The following TNFAIP8 variants were observed in gnomAD, a reference collection of about 807,000 sequenced individuals.
TNFAIP8 encodes tumor necrosis factor alpha-induced protein 8.
A neutral mutation model predicts 13.3 loss-of-function variants in TNFAIP8; 7 were observed. The observed-to-expected ratio is 0.52, with a 90% CI of 0.30 to 0.99. The LOEUF (loss-of-function observed/expected upper bound fraction) is 0.99. Among genes scored for constraint, TNFAIP8 ranks in the 50% least tolerant of loss-of-function variants. TNFAIP8 has a pLI of 0.07. For missense variants in TNFAIP8, 258 were observed against 236.9 expected (o/e 1.09, Z -0.58); for synonymous variants, 94 against 87.6 (o/e 1.07, Z -0.41).
intron 1 of TNFAIP8, among the ~76,000 whole-genome samples, chr5:119,311,351 G>C (rs908744340): frequency 2.0e-5 from 3 of 151,244 alleles, no homozygotes; most frequent in Non-Finnish European, 2.9e-5. Flanking sequence ...GGAAACAAAA[G>C]GTTGAAATGG....
intron 1 of TNFAIP8, among the ~76,000 whole-genome samples, chr5:119,358,873 G>A (rs867021505): frequency 2.0e-5 from 3 of 152,130 alleles, no homozygotes; most frequent in Non-Finnish European, 4.4e-5. Context: ...AGGGGTGGGC[G>A]AGGTGTCACT....
At chr5:119,334,139 CAA>C (rs57346323) in intron 1 of TNFAIP8, among the ~76,000 whole-genome samples, 15 of 104,414 alleles carry the variant, frequency 1.4e-4, no homozygotes, top group Admixed American at 1.9e-4. Flanking sequence ...CTCTAACAAC[CAA>C]AAAAAAAAAA....
chr5:119,392,868 G>T lies in TNFAIP8; in HGVS notation c.84G>T (p.Lys28Asn). The change falls in exon 2 of 2, where the codon AAG becomes AAT. Residue 28 changes from lysine (K) to asparagine (N), a missense_variant. Lys to Asn is a moderately conservative substitution (Grantham distance 94, BLOSUM62 0). Coordinates refer to ENST00000504771, the MANE Select transcript of TNFAIP8 (RefSeq NM_014350.4). ...SKNLAVQAQK[K>N]ILGKMVSKSI... The stretch of plus-strand genomic sequence containing the variant: ...ACCTGGCCGTTCAGGCACAAAAGAA[G>T]ATCTTGGGTAAAATGGTGTCCAAAT... The T allele has an allele frequency of 1.3e-6, 2 of 1,567,998 alleles. No individual in the cohort carries two copies. Among genetic ancestry groups the T allele is most frequent in the South Asian group, 2.3e-5 (2 of 85,436 alleles).
Position 119,393,217 on chromosome 5 carries a change from C to G in TNFAIP8, c.433C>G (p.Arg145Gly). 1 of 1,613,996 alleles carries G rather than the reference C, an allele frequency of 6.2e-7. No individual in the cohort carries two copies. Among genetic ancestry groups the G allele is most frequent in the Non-Finnish European group, 8.5e-7 (1 of 1,179,904 alleles). ...AGAGATGCTGCACCAAATCATTCAG[C>G]GCCACCTCACTGCCAAGTCACATGG... The part of the protein sequence containing the change: ...CREMLHQIIQ[R>G]HLTAKSHGRV... The change falls in exon 2 of 2, where the codon CGC becomes GGC. Residue 145 changes from arginine (R) to glycine (G), a missense_variant. Coordinates refer to ENST00000504771, the MANE Select transcript of TNFAIP8 (RefSeq NM_014350.4).
intron 1 of TNFAIP8, among the ~76,000 whole-genome samples, chr5:119,277,396 C>T (rs1324336871): frequency 6.6e-6 from 1 of 152,048 alleles, no homozygotes; most frequent in Non-Finnish European, 1.5e-5. Context: ...AAGTTTCCAT[C>T]AGGGATTTTT....
At chr5:119,361,301 G>A (rs1225347306) in intron 1 of TNFAIP8, among the ~76,000 whole-genome samples, 1 of 152,202 alleles carries the variant, frequency 6.6e-6, no homozygotes, top group Non-Finnish European at 1.5e-5. Context: ...AAGTTTATAA[G>A]CCTTGAAGAA....
intron 1 of TNFAIP8, among the ~76,000 whole-genome samples, chr5:119,303,178 A>G (rs953650965): frequency 3.3e-5 from 5 of 152,128 alleles, no homozygotes; most frequent in Non-Finnish European, 7.4e-5. Flanking sequence ...AAACATTCCA[A>G]TTCAATTAGA....
chr5:119,278,012 T>G (rs13187496), intron 1 of TNFAIP8, among the ~76,000 whole-genome samples: 43,516 of 152,028 alleles, frequency 0.29, 6,654 homozygotes, highest in Non-Finnish European at 0.35. Flanking sequence ...GGTTTCAACA[T>G]ATGAATTTTG....
chr5:119,341,694 C>T (rs1750742204), intron 1 of TNFAIP8, among the ~76,000 whole-genome samples: 1 of 152,206 alleles, frequency 6.6e-6, no homozygotes, highest in South Asian at 2.1e-4. Flanking sequence ...ATCATATCTT[C>T]ACGGAAGTCA....
At chr5:119,344,170 A>G (rs1427529882) in intron 1 of TNFAIP8, among the ~76,000 whole-genome samples, 1 of 152,232 alleles carries the variant, frequency 6.6e-6, no homozygotes. Flanking sequence ...TCTGCAGGCT[A>G]TGCAAGCATG....
At chr5:119,372,091 C>T (rs1475217447) in intron 1 of TNFAIP8, among the ~76,000 whole-genome samples, 2 of 151,270 alleles carry the variant, frequency 1.3e-5, no homozygotes, top group East Asian at 1.9e-4. Context: ...GAGCCGAGAT[C>T]GCGCCATGGC....
intron 1 of TNFAIP8, among the ~76,000 whole-genome samples, chr5:119,302,740 A>G (rs776732580): frequency 1.8e-4 from 28 of 152,214 alleles, no homozygotes; most frequent in Non-Finnish European, 3.4e-4. Context: ...ATGACCTAAG[A>G]TCGTTCACCT....
intron 1 of TNFAIP8, among the ~76,000 whole-genome samples, chr5:119,370,958 T>C (rs544016003): frequency 6.6e-6 from 1 of 152,350 alleles, no homozygotes; most frequent in South Asian, 2.1e-4. Flanking sequence ...TGCCTGTATC[T>C]AAGATTGCTC....
At chr5:119,343,185 A>G (rs1345248243) in intron 1 of TNFAIP8, among the ~76,000 whole-genome samples, 2 of 152,238 alleles carry the variant, frequency 1.3e-5, no homozygotes, top group Non-Finnish European at 2.9e-5. Context: ...AGCACAATCC[A>G]TTAATTAAGT....
Position 119,310,302 on chromosome 5 carries a change from G to C in TNFAIP8, c.1+41395G>C, listed in dbSNP as rs532218212. Among the ~76,000 whole-genome samples, 327 of 152,048 alleles carry C rather than the reference G, an allele frequency of 2.2e-3. 2 individuals are homozygous for C. Among genetic ancestry groups the C allele is most frequent in the South Asian group, 5.6e-3 (27 of 4,830 alleles). ...TAGAAACATGGTAAGGTCGTCCTGG[G>C]AGAGCCCTGAGTGGAGGGAATTCTG... On this transcript the variant is annotated intron_variant, in intron 1 of 1. Transcript: ENST00000274456.
chr5:119,298,651 C>T (rs1459156941), intron 1 of TNFAIP8, among the ~76,000 whole-genome samples: 1 of 151,932 alleles, frequency 6.6e-6, no homozygotes, highest in Non-Finnish European at 1.5e-5. Context: ...TGAATGTTGG[C>T]CTGCCTTGCT....
chr5:119,356,102 A>C lies in TNFAIP8; in HGVS notation c.12A>C (p.Glu4Asp), dbSNP rs770429621. The C allele has an allele frequency of 1.9e-6, 3 of 1,588,568 alleles. No homozygotes were observed. In the South Asian group the frequency reaches 3.4e-5, roughly 18 times the overall value. ...GTTATCCTGACATTATGCACTCCGA[A>C]GCAGAAGAATCCAAGGAAGGTAGGA... MHS[E>D]AEESKEVATD... Residue 4 changes from glutamate (E) to aspartate (D), a missense_variant, in exon 1 of 2, where the codon GAA becomes GAC. Physicochemically the swap from Glu to Asp is conservative, Grantham distance 45. Transcript: ENST00000504771.
rs35633858 is a variant in TNFAIP8, at chr5:119,350,952, T to TTGTGTGTGTGTGTGTGTG, written c.2-41854_2-41837dup. ...TACAATTTTTTAACTCTATGTGTAT[T>TTGTGTGTGTGTGTGTGTG]TGTGTGTGTGTGTGTGTGTGTGTGT... On this transcript the variant is annotated intron_variant, in intron 1 of 1. Coordinates refer to the TNFAIP8 transcript ENST00000274456. Among the ~76,000 whole-genome samples the TTGTGTGTGTGTGTGTGTG allele has an allele frequency of 1.3e-3, 184 of 144,792 alleles. 3 individuals carry two copies. In the South Asian group the frequency reaches 0.027, roughly 21 times the overall value. The allele number at this position is 144,792 out of a possible 152,430, so 95.0% of individuals were successfully genotyped here.
At chr5:119,340,882 G>T (rs557612023) in intron 1 of TNFAIP8, among the ~76,000 whole-genome samples, 1 of 152,128 alleles carries the variant, frequency 6.6e-6, no homozygotes, top group African/African-American at 2.4e-5. Flanking sequence ...CGAATAGAGG[G>T]GTCGTTTCCT....
Sources: gnomAD v4.1 joint callset for allele counts (sites outside exome capture counted in the v4.1 genomes callset) on GRCh38, gnomAD v4.1.1 for gene constraint, MANE v1.5 for transcripts, NCBI Gene and HGNC (gene_info 2026-07-23, HGNC 2026-07-21) for gene names.